CRISPLD2: variants seen among roughly 807,000 people sequenced by gnomAD.
CRISPLD2 encodes cysteine rich secretory protein LCCL domain containing 2, also known as cysteine-rich secretory protein LCCL domain-containing 2.
Under a neutral mutation model 71.1 loss-of-function variants are expected in CRISPLD2, and 47 were observed. The observed-to-expected ratio is 0.66, with a 90% CI of 0.52 to 0.84. The LOEUF (loss-of-function observed/expected upper bound fraction) is 0.84, where lower values mean the gene tolerates loss of function less well. Ranked by LOEUF, CRISPLD2 falls within the 40% of genes least tolerant of loss-of-function variation. The pLI, the probability that CRISPLD2 is intolerant of heterozygous loss-of-function variation, is 0.00. For missense variants in CRISPLD2, 830 were observed against 651.1 expected, an observed-to-expected ratio of 1.27 and a Z score of -2.99; for synonymous variants, 317 against 250.1, an observed-to-expected ratio of 1.27 and a Z score of -2.52.
intron 14 of CRISPLD2, among the ~76,000 whole-genome samples, chr16:84,899,755 G>C (rs561078043): frequency 6.6e-6 from 1 of 152,298 alleles, no homozygotes; most frequent in African/African-American, 2.4e-5. Context: ...GGCTGGCCAT[G>C]TCTACATCTG....
chr16:84,889,225 T>C lies in CRISPLD2; in HGVS notation c.1306-5T>C. Reference sequence around the variant, plus strand: ...CGCTGATCACAGCCCTTCCTGTGCTTCCAGACCTCAAGCATCTGCAAGACA... The same window carrying C: ...CGCTGATCACAGCCCTTCCTGTGCTCCCAGACCTCAAGCATCTGCAAGACA... On this transcript the variant is annotated splice_polypyrimidine_tract_variant and splice_region_variant and intron_variant, in intron 13 of 14. Transcript: ENST00000262424. 6.2e-7 allele frequency: 1 copy of C among 1,614,036 alleles called. No homozygotes were observed. The highest frequency in any genetic ancestry group is 8.5e-7 in the Non-Finnish European group (1 of 1,179,964).
At chr16:84,846,734 G>T (rs560930489) in intron 3 of CRISPLD2, among the ~76,000 whole-genome samples, 25 of 152,146 alleles carry the variant, frequency 1.6e-4, no homozygotes, top group African/African-American at 6.0e-4. Flanking sequence ...TCCAGCCGTC[G>T]GGAAGCTCAC....
chr16:84,854,855 T>C, intron 6 of CRISPLD2, 26 bp downstream of exon 6: 3 of 1,566,530 alleles, frequency 1.9e-6, no homozygotes, highest in Middle Eastern at 1.7e-4. Context: ...CCAACACTTT[T>C]GCAATGAATT....
Position 84,845,828 on chromosome 16 carries a change from A to G in CRISPLD2, c.283A>G (p.Ser95Gly), listed in dbSNP as rs1477822627. The G allele has an allele frequency of 1.2e-6, 2 of 1,613,910 alleles. No individual in the cohort carries two copies. The highest frequency in any genetic ancestry group is 1.7e-6 in the Non-Finnish European group (2 of 1,179,940). Residue 95 changes from serine to glycine, a missense_variant, in exon 3 of 15, where the codon AGT becomes GGT. Transcript: ENST00000262424. ...GGAGAAGTCTGCTGCAGCGTGGGCC[A>G]GTCAGTGCATCTGGGAGCACGGGCC... ...ELEKSAAAWASQCIWEHGPTS... is the reference protein window; with the variant it reads ...ELEKSAAAWAGQCIWEHGPTS...
chr16:84,860,091 C>CT (rs1917340788), intron 6 of CRISPLD2, among the ~76,000 whole-genome samples: 1 of 62,092 alleles, frequency 1.6e-5, no homozygotes, highest in South Asian at 8.8e-4. Flanking sequence ...GCCTTTGGAT[C>CT]CACATTAAAC....
chr16:84,844,895 G>A (rs1264152701), intron 2 of CRISPLD2, among the ~76,000 whole-genome samples: 1 of 152,204 alleles, frequency 6.6e-6, no homozygotes, highest in Non-Finnish European at 1.5e-5. Flanking sequence ...ACTGCTCACA[G>A]TGAGGGCCAT....
At chr16:84,856,189 C>A (rs992640347) in intron 6 of CRISPLD2, among the ~76,000 whole-genome samples, 1 of 152,206 alleles carries the variant, frequency 6.6e-6, no homozygotes, top group African/African-American at 2.4e-5. Flanking sequence ...GTAGTCCTGC[C>A]TGGATTAGGC....
At chr16:84,884,448 T>C (rs1293236089) in intron 13 of CRISPLD2, among the ~76,000 whole-genome samples, 1 of 152,154 alleles carries the variant, frequency 6.6e-6, no homozygotes, top group Non-Finnish European at 1.5e-5. Context: ...AAGGCGGGGC[T>C]CTGGGGTTCA....
Position 84,879,280 on chromosome 16 carries a change from A to G in CRISPLD2, c.1230-1229A>G, listed in dbSNP as rs571218000. Among the ~76,000 whole-genome samples, 4 of 152,370 alleles carry G rather than the reference A, an allele frequency of 2.6e-5. No individual in the cohort carries two copies. In the East Asian group the frequency reaches 5.8e-4, roughly 22 times the overall value. ...AAACAGAAAAACTTGACACAGTGCAATATGCAAAATGTTAATTTCTGATCT... is the reference window on the plus strand; with the variant it reads ...AAACAGAAAAACTTGACACAGTGCAGTATGCAAAATGTTAATTTCTGATCT... On this transcript the variant is annotated intron_variant, in intron 12 of 14. Coordinates refer to ENST00000262424, the MANE Select transcript of CRISPLD2 (RefSeq NM_031476.4).
At chr16:84,829,910 G>A (rs964565961) in intron 1 of CRISPLD2, among the ~76,000 whole-genome samples, 2 of 152,252 alleles carry the variant, frequency 1.3e-5, no homozygotes, top group African/African-American at 2.4e-5. Context: ...CCACGTTGGC[G>A]TGGGTTTGGT....
chr16:84,835,409 C>T (rs545429932), intron 1 of CRISPLD2, among the ~76,000 whole-genome samples: 51 of 152,268 alleles, frequency 3.3e-4, no homozygotes, highest in African/African-American at 1.2e-3. Flanking sequence ...TGCTCAAAAT[C>T]TGCTGTGTTC....
At chr16:84,862,957 A>T (rs1000811756) in intron 6 of CRISPLD2, 1 of 152,088 alleles carries the variant, frequency 6.6e-6, no homozygotes, top group Non-Finnish European at 1.5e-5. Flanking sequence ...AGCGATCTGG[A>T]CACTAAGACA....
At chr16:84,839,462 T>A (rs1916714390) in intron 2 of CRISPLD2, 1 of 163,882 alleles carries the variant, frequency 6.1e-6, no homozygotes, top group Admixed American at 5.9e-5. Context: ...TTGCCATGAC[T>A]GTGAGATAAG....
intron 1 of CRISPLD2, among the ~76,000 whole-genome samples, chr16:84,827,495 G>T (rs1214383013): frequency 6.6e-6 from 1 of 151,084 alleles, no homozygotes; most frequent in Non-Finnish European, 1.5e-5. Context: ...TCACGGTCAC[G>T]CCTCGACTGT....
chr16:84,877,647 C>G (rs973189447), intron 12 of CRISPLD2, 137 bp downstream of exon 12: 46 of 593,256 alleles, frequency 7.8e-5, no homozygotes, highest in Non-Finnish European at 1.3e-4. Flanking sequence ...GCCAGGAGTT[C>G]GTGACCAGCC....
intron 14 of CRISPLD2, among the ~76,000 whole-genome samples, chr16:84,904,977 T>C (rs2934470): frequency 0.03 from 4,603 of 152,254 alleles, 199 homozygotes; most frequent in African/African-American, 0.099. Flanking sequence ...TTAAAACTTT[T>C]ATGCCTTAAA....
At chr16:84,832,390 G>T (rs1284989900) in intron 1 of CRISPLD2, among the ~76,000 whole-genome samples, 1 of 152,254 alleles carries the variant, frequency 6.6e-6, no homozygotes, top group Non-Finnish European at 1.5e-5. Flanking sequence ...TCTCTTCCCC[G>T]ACAGCCCATG....
chr16:84,889,435 G>A (rs1020337503), intron 14 of CRISPLD2, 72 bp downstream of exon 14: 35 of 1,496,896 alleles, frequency 2.3e-5, no homozygotes, highest in Non-Finnish European at 2.9e-5. Flanking sequence ...CCTGGGAAGA[G>A]GCCCAGAGTC....
chr16:84,845,007 C>G (rs1378757782), intron 2 of CRISPLD2, among the ~76,000 whole-genome samples: 1 of 152,186 alleles, frequency 6.6e-6, no homozygotes, highest in African/African-American at 2.4e-5. Flanking sequence ...GAGCGCCAAT[C>G]CAACGCCACC....
Sources: gnomAD v4.1 joint callset for allele counts (sites outside exome capture counted in the v4.1 genomes callset) on GRCh38, gnomAD v4.1.1 for gene constraint, MANE v1.5 for transcripts, NCBI Gene and HGNC (gene_info 2026-07-23, HGNC 2026-07-21) for gene names.